JAK1: variants seen among roughly 807,000 people sequenced by gnomAD.
The protein encoded by JAK1 is Janus kinase 1.
JAK1 carries 16 observed loss-of-function variants against 136.6 expected under a neutral mutation model. That is an observed-to-expected ratio of 0.12 (90% CI 0.08 to 0.18). JAK1 has a LOEUF of 0.18. JAK1 is among the 10% of genes least tolerant of loss of function. The pLI, the probability that JAK1 is intolerant of heterozygous loss-of-function variation, is 1.00. For missense variants in JAK1, 859 were observed against 1,450.1 expected, an observed-to-expected ratio of 0.59 and a Z score of 6.62; for synonymous variants, 492 against 519.5, an observed-to-expected ratio of 0.95 and a Z score of 0.72.
chr1:64,995,642 G>T (rs983927052), intron 2 of JAK1, among the ~76,000 whole-genome samples: 2 of 152,182 alleles, frequency 1.3e-5, no homozygotes, highest in African/African-American at 4.8e-5. Context: ...TATATAAAAA[G>T]TGATCAGTTG....
chr1:64,900,048 T>C (rs1193803411), intron 1 of JAK1, among the ~76,000 whole-genome samples: 1 of 152,180 alleles, frequency 6.6e-6, no homozygotes, highest in African/African-American at 2.4e-5. Context: ...GTGTTCTGCA[T>C]CAAATATGTG....
intron 2 of JAK1, among the ~76,000 whole-genome samples, chr1:64,973,392 A>T (rs1646470999): frequency 6.6e-6 from 1 of 151,808 alleles, no homozygotes; most frequent in Non-Finnish European, 1.5e-5. Context: ...AGAAAGATTT[A>T]AGGAATATAA....
At chr1:65,031,663 T>C (rs1271787416) in intron 2 of JAK1, among the ~76,000 whole-genome samples, 2 of 152,224 alleles carry the variant, frequency 1.3e-5, no homozygotes, top group Non-Finnish European at 1.5e-5. Flanking sequence ...CATTTTGCTA[T>C]GGTTATATAA....
chr1:64,878,577 A>G lies in JAK1; in HGVS notation c.329+448T>C, dbSNP rs1464874445. 7.0e-4 allele frequency among the ~76,000 whole-genome samples: 42 copies of G among 59,864 alleles called. No individual in the cohort carries two copies. The East Asian group carries it at 8.2e-3, about 12-fold the overall frequency. The allele number at this position is 59,864 out of a possible 152,430, so 39.3% of individuals were successfully genotyped here. A position where few individuals can be genotyped will look rare whatever the true frequency, so the allele number is the denominator to read the frequency against. ...ATATAGTGTGTATATATATATATAT[A>G]TATATATATATATATATATATATAT... On this transcript the variant is annotated intron_variant, in intron 4 of 24. Coordinates refer to ENST00000342505, the MANE Select transcript of JAK1 (RefSeq NM_002227.4).
At position 64,875,785 on chromosome 1, in the gene JAK1, G is replaced by A. The variant is rs990339060; in HGVS notation, c.330-2262C>T. Among the ~76,000 whole-genome samples the A allele has an allele frequency of 5.3e-5, 8 of 152,198 alleles. No homozygotes were observed. The South Asian group carries it at 6.2e-4, about 12-fold the overall frequency. On this transcript the variant is annotated intron_variant, in intron 4 of 24. Transcript: ENST00000342505. ...CTGCTGGACTGTTCCCTTACCCTCC[G>A]CTGGTGACAGTGGAAAGCTAGGGCT...
At chr1:65,035,223 T>C (rs1647062736) in intron 2 of JAK1, among the ~76,000 whole-genome samples, 1 of 152,164 alleles carries the variant, frequency 6.6e-6, no homozygotes, top group African/African-American at 2.4e-5. Context: ...ACAATAGAGT[T>C]CATTATTGCT....
chr1:64,908,014 T>C lies in JAK1; in HGVS notation c.-77-21673A>G, dbSNP rs144681907. ...GACATGCTCACAAGTGTATAGAGCA[T>C]TGTACCATCTGTCCAAAAATGAAAC... On this transcript the variant is annotated intron_variant, in intron 1 of 24. Coordinates refer to ENST00000342505, the MANE Select transcript of JAK1 (RefSeq NM_002227.4). Among the ~76,000 whole-genome samples the C allele has an allele frequency of 8.4e-3, 1,282 of 152,294 alleles. 24 individuals are homozygous for C. The highest frequency in any genetic ancestry group is 0.03 in the African/African-American group (1,240 of 41,548).
chr1:64,921,820 ACC>A (rs1645498289), intron 1 of JAK1, among the ~76,000 whole-genome samples: 1 of 152,028 alleles, frequency 6.6e-6, no homozygotes, highest in South Asian at 2.1e-4. Context: ...GAGATGGCTT[ACC>A]CATTTGGACT....
At chr1:64,881,575 C>T (rs774762570) in intron 3 of JAK1, among the ~76,000 whole-genome samples, 1 of 152,180 alleles carries the variant, frequency 6.6e-6, no homozygotes, top group African/African-American at 2.4e-5. Context: ...GAACCTGTGG[C>T]ATTCAGTATG....
Position 64,839,369 on chromosome 1 carries a change from A to G in JAK1, c.2842+234T>C, listed in dbSNP as rs544359691. On this transcript the variant is annotated intron_variant, in intron 20 of 24. Coordinates refer to ENST00000342505, the MANE Select transcript of JAK1 (RefSeq NM_002227.4). ...TAAGGCATAAGTGCAAGTGACGTGG[A>G]GAGACAGTGCTGGAACCAGCCCCTG... 107 of 425,172 alleles carry G rather than the reference A, an allele frequency of 2.5e-4. No homozygotes were observed. In the East Asian group the frequency reaches 3.8e-3, roughly 15 times the overall value. 26.3% of individuals were successfully genotyped at this position (425,172 alleles called of 1,614,324 possible).
intron 2 of JAK1, among the ~76,000 whole-genome samples, chr1:64,981,210 T>C (rs568666008): frequency 6.6e-6 from 1 of 152,168 alleles, no homozygotes; most frequent in Non-Finnish European, 1.5e-5. Context: ...GTACAGGAAA[T>C]GAGTCAGGAA....
At chr1:64,903,569 T>A (rs1645144483) in intron 1 of JAK1, among the ~76,000 whole-genome samples, 1 of 152,204 alleles carries the variant, frequency 6.6e-6, no homozygotes. Context: ...AGGTTTAGAA[T>A]CACATACCTG....
In JAK1 at chr1:65,066,753, T is replaced by A. The variant is rs984215099; in HGVS notation, c.-181+851A>T. The A allele has an allele frequency of 2.6e-5, 4 of 152,756 alleles. No individual in the cohort carries two copies. The Admixed American group carries it at 2.6e-4, about 10-fold the overall frequency. 9.5% of individuals were successfully genotyped at this position (152,756 alleles called of 1,614,324 possible). ...TTCCTCTCTTCTCCCTCCCTCCTCC[T>A]CCTCCTCCGGCACCGCCGCCTCCTC... On this transcript the variant is annotated intron_variant, in intron 1 of 25. Coordinates refer to the JAK1 transcript ENST00000671954.
At chr1:64,987,035 T>G (rs986129251) in intron 2 of JAK1, among the ~76,000 whole-genome samples, 1 of 152,220 alleles carries the variant, frequency 6.6e-6, no homozygotes, top group Non-Finnish European at 1.5e-5. Flanking sequence ...GGCTCCCTGT[T>G]GCTGAAGCAG....
chr1:64,854,640 C>T (rs1415395518), intron 11 of JAK1, among the ~76,000 whole-genome samples: 5 of 151,840 alleles, frequency 3.3e-5, no homozygotes, highest in South Asian at 2.1e-4. Context: ...ACATCAGTGA[C>T]GCCATTCAAG....
At chr1:64,967,153 T>C (rs113376826), upstream of JAK1, among the ~76,000 whole-genome samples, 7 of 152,242 alleles carry the variant, frequency 4.6e-5, 1 homozygote, top group African/African-American at 1.7e-4. Flanking sequence ...ACTAATAACC[T>C]CTCAAAGTAG....
chr1:64,845,342 C>G (rs182441338), intron 15 of JAK1, among the ~76,000 whole-genome samples, 171 bp downstream of exon 15: 8 of 152,192 alleles, frequency 5.3e-5, no homozygotes, highest in Non-Finnish European at 1.2e-4. Flanking sequence ...CGGCCCCAAA[C>G]GACCATCTTC....
At chr1:64,990,359 A>G (rs1361612281) in intron 2 of JAK1, 1 of 152,232 alleles carries the variant, frequency 6.6e-6, no homozygotes, top group East Asian at 1.9e-4. Flanking sequence ...TAAGGGACAG[A>G]GACTTCAGCA....
chr1:65,048,105 T>C (rs1387131199), intron 1 of JAK1, among the ~76,000 whole-genome samples: 1 of 152,032 alleles, frequency 6.6e-6, no homozygotes, highest in Non-Finnish European at 1.5e-5. Flanking sequence ...TGTTTGCAGG[T>C]GGAAGAAAAG....
Sources: gnomAD v4.1 joint callset for allele counts (sites outside exome capture counted in the v4.1 genomes callset) on GRCh38, gnomAD v4.1.1 for gene constraint, MANE v1.5 for transcripts, NCBI Gene and HGNC (gene_info 2026-07-23, HGNC 2026-07-21) for gene names.